The following MDGA2 variants were observed in gnomAD, a reference collection of about 807,000 sequenced individuals.
MDGA2 encodes MAM domain-containing glycosylphosphatidylinositol anchor protein 2.
Under a neutral mutation model 117.8 loss-of-function variants are expected in MDGA2, and 40 were observed. The ratio of observed to expected loss-of-function variants is 0.34; its 90% CI spans 0.26 to 0.44. The LOEUF (loss-of-function observed/expected upper bound fraction) is 0.44. Among genes scored for constraint, MDGA2 ranks in the 20% least tolerant of loss-of-function variants. MDGA2 has a pLI of 1.00. For missense variants in MDGA2, 1,123 were observed against 1,250.6 expected, an observed-to-expected ratio of 0.90 and a Z score of 1.54; for synonymous variants, 452 against 439.0, an observed-to-expected ratio of 1.03 and a Z score of -0.37.
chr14:47,670,554 C>A (rs535997999), intron 1 of MDGA2, among the ~76,000 whole-genome samples: 1 of 152,242 alleles, frequency 6.6e-6, no homozygotes, highest in Admixed American at 6.5e-5. Context: ...CAATGACTTA[C>A]AAAGAAAACT....
At chr14:46,980,036 C>A (rs8008255) in intron 8 of MDGA2, among the ~76,000 whole-genome samples, 88,825 of 151,970 alleles carry the variant, frequency 0.58, 26,677 homozygotes, top group Middle Eastern at 0.63. Flanking sequence ...TTAGGGGCTA[C>A]TGTAGCTGGT....
intron 1 of MDGA2, among the ~76,000 whole-genome samples, chr14:47,442,003 GA>G (rs545975681): frequency 2.0e-5 from 3 of 149,318 alleles, no homozygotes; most frequent in African/African-American, 2.5e-5. Flanking sequence ...TTTAGGAAAA[GA>G]AAAAAACCCT....
At chr14:47,418,770 A>G (rs988174369) in intron 1 of MDGA2, among the ~76,000 whole-genome samples, 1 of 152,170 alleles carries the variant, frequency 6.6e-6, no homozygotes, top group Non-Finnish European at 1.5e-5. Context: ...CAAGCATTAT[A>G]TCTAACTGGT....
chr14:47,147,224 C>A (rs1370503958), intron 3 of MDGA2, among the ~76,000 whole-genome samples: 2 of 150,590 alleles, frequency 1.3e-5, no homozygotes, highest in Non-Finnish European at 3.0e-5. Context: ...TCACTTAAAT[C>A]TATTTTAATA....
At chr14:47,575,922 C>T (rs926373067) in intron 1 of MDGA2, among the ~76,000 whole-genome samples, 1 of 152,174 alleles carries the variant, frequency 6.6e-6, no homozygotes, top group African/African-American at 2.4e-5. Flanking sequence ...CAAAAACCCA[C>T]ATGATGCATT....
intron 8 of MDGA2, among the ~76,000 whole-genome samples, chr14:47,010,163 G>C (rs1406362264): frequency 1.3e-5 from 2 of 151,880 alleles, no homozygotes; most frequent in African/African-American, 4.8e-5. Context: ...CTGACTTCCT[G>C]GACAGTTGGA....
intron 2 of MDGA2, among the ~76,000 whole-genome samples, chr14:47,280,095 A>T (rs1011358259): frequency 4.0e-5 from 6 of 151,736 alleles, no homozygotes; most frequent in Admixed American, 2.6e-4. Flanking sequence ...TGGGCAGATC[A>T]CCTGAGGTAG....
chr14:47,440,458 C>T (rs1445763813), intron 1 of MDGA2, among the ~76,000 whole-genome samples: 3 of 152,066 alleles, frequency 2.0e-5, no homozygotes, highest in Non-Finnish European at 2.9e-5. Flanking sequence ...CTTGTCTTAG[C>T]GTCTGCTTAT....
At chr14:46,916,444 T>C (rs1883901506) in intron 10 of MDGA2, among the ~76,000 whole-genome samples, 1 of 152,116 alleles carries the variant, frequency 6.6e-6, no homozygotes, top group Non-Finnish European at 1.5e-5. Context: ...AGCACCTATT[T>C]CCATTAATGC....
At chr14:46,868,788 C>G (rs1462509103) in intron 14 of MDGA2, among the ~76,000 whole-genome samples, 2 of 152,010 alleles carry the variant, frequency 1.3e-5, no homozygotes, top group Admixed American at 6.6e-5. Context: ...ATTTACCACT[C>G]TCCTAAAGCT....
intron 6 of MDGA2, among the ~76,000 whole-genome samples, chr14:47,092,948 T>C (rs1879748835): frequency 6.6e-6 from 1 of 152,078 alleles, no homozygotes; most frequent in Non-Finnish European, 1.5e-5. Context: ...TAGATGTATA[T>C]ATCGTCTAGG....
chr14:47,558,686 T>C (rs945596845), intron 1 of MDGA2, among the ~76,000 whole-genome samples: 1 of 152,194 alleles, frequency 6.6e-6, no homozygotes, highest in South Asian at 2.1e-4. Context: ...TGCCAGTCAA[T>C]GAAAACATGC....
intron 10 of MDGA2, among the ~76,000 whole-genome samples, chr14:46,898,296 T>C (rs1328489975): frequency 6.6e-6 from 1 of 152,014 alleles, no homozygotes; most frequent in Non-Finnish European, 1.5e-5. Flanking sequence ...GTGATGGTGG[T>C]AGATATGAAT....
intron 16 of MDGA2, among the ~76,000 whole-genome samples, chr14:46,842,277 CAT>C (rs1880647625): frequency 6.6e-6 from 1 of 152,022 alleles, no homozygotes; most frequent in South Asian, 2.1e-4. Flanking sequence ...TTGTTCATAA[CAT>C]ATTCACATAG....
chr14:47,391,653 T>C (rs2138439176), intron 1 of MDGA2, among the ~76,000 whole-genome samples: 1 of 152,316 alleles, frequency 6.6e-6, no homozygotes, highest in South Asian at 2.1e-4. Context: ...TTATCAATTA[T>C]TAAATGTCAG....
At chr14:47,162,289 A>C (rs1883675870) in intron 3 of MDGA2, among the ~76,000 whole-genome samples, 2 of 151,612 alleles carry the variant, frequency 1.3e-5, no homozygotes, top group South Asian at 4.2e-4. Context: ...TTTTTCCTTC[A>C]ATCTTTTCTA....
At chr14:47,146,631 C>G (rs1380772281) in intron 3 of MDGA2, among the ~76,000 whole-genome samples, 1 of 152,094 alleles carries the variant, frequency 6.6e-6, no homozygotes, top group East Asian at 1.9e-4. Context: ...AAACAATTTA[C>G]TTTTTTTCTT....
intron 1 of MDGA2, among the ~76,000 whole-genome samples, chr14:47,582,986 T>C (rs1392338016): frequency 6.6e-6 from 1 of 151,858 alleles, no homozygotes; most frequent in African/African-American, 2.4e-5. Flanking sequence ...GATGGGTAAA[T>C]AACACCAAAT....
intron 1 of MDGA2, among the ~76,000 whole-genome samples, chr14:47,610,859 T>C (rs1408267549): frequency 6.6e-6 from 1 of 151,930 alleles, no homozygotes; most frequent in Non-Finnish European, 1.5e-5. Flanking sequence ...AAAAAAACTA[T>C]TCTAAAATTC....
Sources: gnomAD v4.1 joint callset for allele counts (sites outside exome capture counted in the v4.1 genomes callset) on GRCh38, gnomAD v4.1.1 for gene constraint, MANE v1.5 for transcripts, NCBI Gene and HGNC (gene_info 2026-07-23, HGNC 2026-07-21) for gene names.